Variants in MYO1D observed in about 807,000 individuals in gnomAD.
The protein encoded by MYO1D is unconventional myosin-Id.
In MYO1D, 83 loss-of-function variants were observed where a neutral mutation model predicts 122.0. The observed-to-expected ratio is 0.68, with a 90% confidence interval of 0.57 to 0.82. The LOEUF is 0.82. Among genes scored for constraint, MYO1D ranks in the 40% least tolerant of loss-of-function variants. MYO1D has a pLI of 0.00. For synonymous variants in MYO1D, 464 were observed against 446.9 expected (o/e 1.04, Z -0.48); for missense variants, 1,157 against 1,269.5 (o/e 0.91, Z 1.35).
At chr17:32,720,297 T>C (rs1035719760) in intron 15 of MYO1D, among the ~76,000 whole-genome samples, 8 of 152,180 alleles carry the variant, frequency 5.3e-5, no homozygotes, top group East Asian at 1.9e-4. Context: ...ATTACACTTA[T>C]TGAGTGATTA....
intron 15 of MYO1D, among the ~76,000 whole-genome samples, chr17:32,718,139 T>C (rs1338627854): frequency 1.3e-5 from 2 of 152,182 alleles, no homozygotes; most frequent in Admixed American, 6.5e-5. Context: ...ATTTTAAAAA[T>C]TGTGATCAAA....
chr17:32,663,681 C>A (rs1007473826), intron 16 of MYO1D, among the ~76,000 whole-genome samples: 2 of 152,152 alleles, frequency 1.3e-5, no homozygotes, highest in African/African-American at 4.8e-5. Flanking sequence ...GCAAACCTTG[C>A]CTACTCTTCT....
intron 1 of MYO1D, among the ~76,000 whole-genome samples, chr17:32,832,535 C>T (rs1176866311): frequency 6.6e-6 from 1 of 151,962 alleles, no homozygotes; most frequent in African/African-American, 2.4e-5. Flanking sequence ...CCTGACCTTG[C>T]GATCTGCCCG....
chr17:32,783,806 C>CT (rs1489353856), intron 1 of MYO1D, among the ~76,000 whole-genome samples: 1 of 152,200 alleles, frequency 6.6e-6, no homozygotes, highest in African/African-American at 2.4e-5. Context: ...GTCGCTTACT[C>CT]TGTTTGCCTC....
intron 21 of MYO1D, among the ~76,000 whole-genome samples, chr17:32,515,943 C>T (rs1358194086): frequency 6.6e-6 from 1 of 152,190 alleles, no homozygotes; most frequent in East Asian, 1.9e-4. Context: ...AAAGAGCCTC[C>T]ACTGCTCAGA....
intron 21 of MYO1D, among the ~76,000 whole-genome samples, chr17:32,551,384 G>A (rs964096293): frequency 3.3e-5 from 5 of 152,156 alleles, no homozygotes; most frequent in Admixed American, 2.0e-4. Flanking sequence ...TAGGCTAACC[G>A]GCTAGACAAG....
intron 16 of MYO1D, among the ~76,000 whole-genome samples, chr17:32,673,099 T>C (rs2088746514): frequency 1.4e-5 from 1 of 71,662 alleles, no homozygotes; most frequent in African/African-American, 7.5e-5. Flanking sequence ...ACTTTTTTTT[T>C]TTTTTTTTTT....
chr17:32,500,481 C>G (rs1909280506), intron 21 of MYO1D, among the ~76,000 whole-genome samples: 1 of 152,158 alleles, frequency 6.6e-6, no homozygotes, highest in Non-Finnish European at 1.5e-5. Flanking sequence ...TGGGTTACTA[C>G]TTTTTTCCTT....
At chr17:32,523,092 G>A (rs1377503683) in intron 21 of MYO1D, among the ~76,000 whole-genome samples, 1 of 152,200 alleles carries the variant, frequency 6.6e-6, no homozygotes, top group Non-Finnish European at 1.5e-5. Context: ...TGGGATTACA[G>A]GCGTGAGCAA....
Position 32,605,070 on chromosome 17 carries a change from C to A in MYO1D, c.2864+17G>T, listed in dbSNP as rs1207725923. 1.7e-5 allele frequency: 27 copies of A among 1,560,016 alleles called. No individual in the cohort carries two copies. The highest frequency in any genetic ancestry group is 2.4e-5 in the Non-Finnish European group (27 of 1,142,478). On this transcript the variant is annotated intron_variant, in intron 21 of 21. Coordinates refer to ENST00000318217, the MANE Select transcript of MYO1D (RefSeq NM_015194.3). The stretch of plus-strand genomic sequence containing the variant: ...ATAGATTTAAAACGTGTCTTAGTTA[C>A]AAAAATCAAACTTTACCTCTTGAAA...
At chr17:32,793,978 A>G (rs894651046) in intron 1 of MYO1D, among the ~76,000 whole-genome samples, 2 of 152,384 alleles carry the variant, frequency 1.3e-5, no homozygotes, top group African/African-American at 4.8e-5. Context: ...AGCAGAAGTC[A>G]TAAGAATGGC....
At chr17:32,659,074 G>C in intron 17 of MYO1D, 41 bp downstream of exon 17, 2 of 1,546,918 alleles carry the variant, frequency 1.3e-6, no homozygotes. Flanking sequence ...TATTAACTGT[G>C]CCACCATAAA....
chr17:32,584,317 G>A (rs1188119888), intron 21 of MYO1D, among the ~76,000 whole-genome samples: 1 of 152,086 alleles, frequency 6.6e-6, no homozygotes, highest in Non-Finnish European at 1.5e-5. Context: ...GTTGGTCTTT[G>A]CATCCTTGTG....
At chr17:32,816,420 A>G (rs748178622) in intron 1 of MYO1D, among the ~76,000 whole-genome samples, 7 of 152,190 alleles carry the variant, frequency 4.6e-5, no homozygotes, top group Admixed American at 6.5e-5. Context: ...ACCAAGGGAA[A>G]GGTTGGAAAC....
At chr17:32,511,217 G>A (rs962450568) in intron 21 of MYO1D, among the ~76,000 whole-genome samples, 3 of 150,040 alleles carry the variant, frequency 2.0e-5, no homozygotes, top group African/African-American at 5.0e-5. Flanking sequence ...AACTTCTCTC[G>A]CTCACTCTGT....
intron 17 of MYO1D, 102 bp downstream of exon 17, chr17:32,659,013 C>T: frequency 1.8e-6 from 2 of 1,117,924 alleles, no homozygotes; most frequent in Non-Finnish European, 1.3e-6. Flanking sequence ...AATGTCATAA[C>T]AGCAAATAGC....
chr17:32,762,451 T>A (rs9893973), intron 8 of MYO1D, among the ~76,000 whole-genome samples: 2 of 152,000 alleles, frequency 1.3e-5, no homozygotes, highest in South Asian at 4.1e-4. Flanking sequence ...GTACTTTCAC[T>A]TTTCTGATTC....
chr17:32,705,498 C>T (rs183780060), intron 16 of MYO1D, among the ~76,000 whole-genome samples: 314 of 152,228 alleles, frequency 2.1e-3, no homozygotes, highest in African/African-American at 7.3e-3. Context: ...CTCCTGACCT[C>T]GTGATCCGCC....
At chr17:32,501,099 C>G (rs1295123630) in intron 21 of MYO1D, among the ~76,000 whole-genome samples, 1 of 152,088 alleles carries the variant, frequency 6.6e-6, no homozygotes, top group Non-Finnish European at 1.5e-5. Context: ...GATTCCACTC[C>G]TGGGTATATA....
Sources: allele counts gnomAD v4.1 joint callset (sites outside exome capture counted in the v4.1 genomes callset), GRCh38; gene constraint gnomAD v4.1.1; transcripts MANE v1.5; gene names NCBI Gene and HGNC (gene_info 2026-07-23, HGNC 2026-07-21).